The following RBM20 variants were observed in gnomAD, a reference collection of about 807,000 sequenced individuals.
The protein encoded by RBM20 is RNA binding motif protein 20.
In RBM20, 51 loss-of-function variants were observed where a neutral mutation model predicts 110.1. The observed-to-expected ratio is 0.46, with a 90% CI of 0.37 to 0.59. The LOEUF (loss-of-function observed/expected upper bound fraction) is 0.59, where lower values mean the gene tolerates loss of function less well. RBM20 is among the 20% of genes least tolerant of loss of function. The pLI is 0.00. For synonymous variants in RBM20, 589 were observed against 618.2 expected (o/e 0.95, Z 0.70); for missense variants, 1,512 against 1,574.9 (o/e 0.96, Z 0.68).
At chr10:110,652,918 C>A (rs1248400099) in intron 1 of RBM20, among the ~76,000 whole-genome samples, 1 of 152,182 alleles carries the variant, frequency 6.6e-6, no homozygotes, top group Admixed American at 6.5e-5. Context: ...CCTGCTCACC[C>A]ACCCACACGG....
intron 1 of RBM20, among the ~76,000 whole-genome samples, chr10:110,718,542 T>C (rs992567464): frequency 1.4e-5 from 2 of 146,042 alleles, no homozygotes; most frequent in Admixed American, 7.1e-5. Context: ...CATGTATTCT[T>C]CTATAACTTT....
intron 9 of RBM20, among the ~76,000 whole-genome samples, chr10:110,815,821 A>G (rs1344763693): frequency 6.6e-6 from 1 of 152,140 alleles, no homozygotes; most frequent in East Asian, 1.9e-4. Context: ...ATTTCCCCAC[A>G]GTTCTGTCCC....
In RBM20 at chr10:110,835,943, G is replaced by A. The variant is rs867232627; in HGVS notation, c.3649G>A (p.Gly1217Arg). 32 of 1,400,432 alleles carry A rather than the reference G, an allele frequency of 2.3e-5. No homozygotes were observed. The East Asian group carries it at 6.3e-4, about 28-fold the overall frequency. 86.8% of individuals were successfully genotyped at this position (1,400,432 alleles called of 1,614,324 possible). Residue 1217 changes from glycine to arginine, a missense_variant, in exon 14 of 14, where the codon GGA (glycine) becomes AGA (arginine). Transcript: ENST00000369519. ...GADSPRPEDS[G>R]IVPRFERKKL ...AGATAGCCCGAGGCCAGAGGACAGC[G>A]GAATCGTGCCACGCTTCGAAAGGAA...
intron 5 of RBM20, among the ~76,000 whole-genome samples, chr10:110,789,419 T>TC (rs1354303030): frequency 6.6e-6 from 1 of 151,642 alleles, no homozygotes; most frequent in Non-Finnish European, 1.5e-5. Context: ...GTTTAGGTTT[T>TC]TTTTTTCTCA....
At chr10:110,775,076 T>G (rs995041095) in intron 1 of RBM20, among the ~76,000 whole-genome samples, 1 of 152,230 alleles carries the variant, frequency 6.6e-6, no homozygotes, top group Non-Finnish European at 1.5e-5. Context: ...TCTCCTGTGT[T>G]GACACTAGCA....
At chr10:110,782,442 T>C (rs781136396) in intron 2 of RBM20, among the ~76,000 whole-genome samples, 20 of 152,176 alleles carry the variant, frequency 1.3e-4, no homozygotes, top group Admixed American at 7.2e-4. Context: ...CAAACAGAGG[T>C]ATATGATAGT....
At chr10:110,832,108 A>G (rs1376843437) in intron 13 of RBM20, among the ~76,000 whole-genome samples, 2 of 151,462 alleles carry the variant, frequency 1.3e-5, no homozygotes, top group Non-Finnish European at 2.9e-5. Context: ...GTTCTATAAT[A>G]TATACCTAAT....
At chr10:110,817,533 G>A (rs1405006347) in intron 9 of RBM20, among the ~76,000 whole-genome samples, 1 of 152,166 alleles carries the variant, frequency 6.6e-6, no homozygotes, top group Non-Finnish European at 1.5e-5. Context: ...GGAGCACCCG[G>A]CATTGGGACT....
chr10:110,657,219 G>A (rs922004897), intron 1 of RBM20, among the ~76,000 whole-genome samples: 7 of 151,838 alleles, frequency 4.6e-5, no homozygotes, highest in Non-Finnish European at 1.0e-4. Context: ...ATTTCACCAT[G>A]TTAGCCAGGA....
intron 5 of RBM20, among the ~76,000 whole-genome samples, chr10:110,793,025 A>T (rs1844503866): frequency 6.6e-6 from 1 of 152,206 alleles, no homozygotes; most frequent in Non-Finnish European, 1.5e-5. Flanking sequence ...TTGTCAAGGC[A>T]TCTGGGAGGA....
At chr10:110,724,047 A>G (rs1208027844) in intron 1 of RBM20, among the ~76,000 whole-genome samples, 1 of 152,206 alleles carries the variant, frequency 6.6e-6, no homozygotes, top group African/African-American at 2.4e-5. Context: ...GAAAGGTTAC[A>G]TTACTAGCCA....
intron 5 of RBM20, among the ~76,000 whole-genome samples, chr10:110,794,491 A>G (rs1031887130): frequency 6.6e-6 from 1 of 152,254 alleles, no homozygotes; most frequent in African/African-American, 2.4e-5. Context: ...AATCTGCTGA[A>G]GTAAATGGTT....
intron 1 of RBM20, among the ~76,000 whole-genome samples, chr10:110,654,529 C>T (rs1314552713): frequency 2.0e-5 from 3 of 152,090 alleles, no homozygotes; most frequent in Non-Finnish European, 4.4e-5. Context: ...TTGCAGAAGC[C>T]TTTTAACTCT....
At chr10:110,726,623 A>G (rs769200074) in intron 1 of RBM20, among the ~76,000 whole-genome samples, 20 of 152,166 alleles carry the variant, frequency 1.3e-4, no homozygotes, top group Admixed American at 2.0e-4. Context: ...ATTAAATGAC[A>G]TTGTAGAAAA....
intron 12 of RBM20, among the ~76,000 whole-genome samples, chr10:110,823,893 AT>A (rs1338701346): frequency 1.3e-3 from 178 of 138,646 alleles, no homozygotes; most frequent in Non-Finnish European, 1.1e-3. Context: ...AATTTTTTTA[AT>A]TTTTTTTTTT....
At chr10:110,780,701 T>C in intron 1 of RBM20, 100 bp from the exon 2 acceptor site, 2 of 1,347,026 alleles carry the variant, frequency 1.5e-6, no homozygotes, top group Non-Finnish European at 9.8e-7. Context: ...TGTGGGAAGG[T>C]CTTGTTTATG....
chr10:110,760,883 GGAGTTTGA>G (rs1843989082), intron 1 of RBM20, among the ~76,000 whole-genome samples: 1 of 151,100 alleles, frequency 6.6e-6, no homozygotes, highest in South Asian at 2.1e-4. Flanking sequence ...CATGAGGTCA[GGAGTTTGA>G]GACCAGCCTG....
At chr10:110,790,473 A>G (rs550836121) in intron 5 of RBM20, among the ~76,000 whole-genome samples, 1 of 152,350 alleles carries the variant, frequency 6.6e-6, no homozygotes, top group Non-Finnish European at 1.5e-5. Context: ...AAGCAGTGTG[A>G]ACATTGTGTA....
rs765089748 is a variant in RBM20, at chr10:110,729,726, G to A, written c.192-51075G>A. ...AGCGCAGACAGGCCTGAGGGGAACC[G>A]CATCCACCTCCGCCCTAGATGCGAT... On this transcript the variant is annotated intron_variant, in intron 1 of 13. Transcript: ENST00000369519. Among the ~76,000 whole-genome samples, 4 of 152,202 alleles carry A rather than the reference G, an allele frequency of 2.6e-5. No homozygotes were observed. In the East Asian group the frequency reaches 7.7e-4, roughly 29 times the overall value.
Sources: allele counts gnomAD v4.1 joint callset (sites outside exome capture counted in the v4.1 genomes callset), GRCh38; gene constraint gnomAD v4.1.1; transcripts MANE v1.5; gene names NCBI Gene and HGNC (gene_info 2026-07-23, HGNC 2026-07-21).